The following PALLD variants were observed in gnomAD, a reference collection of about 807,000 sequenced individuals.
PALLD encodes the protein palladin, cytoskeletal associated protein, also known as palladin.
PALLD carries 61 observed loss-of-function variants against 123.5 expected under a neutral mutation model. The observed-to-expected ratio is 0.49, with a 90% CI of 0.40 to 0.61. The LOEUF (loss-of-function observed/expected upper bound fraction) is 0.61, where lower values mean the gene tolerates loss of function less well. Among genes scored for constraint, PALLD ranks in the 20% least tolerant of loss-of-function variants. The pLI, the probability that PALLD is intolerant of heterozygous loss-of-function variation, is 0.00. For synonymous variants in PALLD, 465 were observed against 496.4 expected (o/e 0.94, Z 0.84); for missense variants, 1,273 against 1,377.0 (o/e 0.92, Z 1.20).
At chr4:168,903,682 G>A in intron 14 of PALLD, 75 bp from the exon 15 acceptor site, 3 of 1,221,828 alleles carry the variant, frequency 2.5e-6, no homozygotes, top group East Asian at 2.3e-5. Context: ...AAACCACACT[G>A]TTACTATTTT....
chr4:168,783,331 A>G (rs916868854), intron 10 of PALLD, among the ~76,000 whole-genome samples: 1 of 152,302 alleles, frequency 6.6e-6, no homozygotes, highest in South Asian at 2.1e-4. Flanking sequence ...AAGCAATAAT[A>G]TTGCAAAGCA....
At chr4:168,681,816 G>A (rs1781581708) in intron 4 of PALLD, among the ~76,000 whole-genome samples, 2 of 151,984 alleles carry the variant, frequency 1.3e-5, no homozygotes, top group Admixed American at 1.3e-4. Context: ...CCAAATTGTT[G>A]GGAGGGATTA....
At chr4:168,613,885 A>G (rs147610784) in intron 2 of PALLD, among the ~76,000 whole-genome samples, 1 of 152,334 alleles carries the variant, frequency 6.6e-6, no homozygotes, top group Non-Finnish European at 1.5e-5. Context: ...CATAGATCCT[A>G]CAAAGTCATG....
intron 2 of PALLD, among the ~76,000 whole-genome samples, chr4:168,592,211 A>G (rs943451270): frequency 2.0e-5 from 3 of 151,772 alleles, no homozygotes; most frequent in East Asian, 3.9e-4. Flanking sequence ...GTTTTAGCAG[A>G]TAGGGGGTTT....
intron 10 of PALLD, among the ~76,000 whole-genome samples, chr4:168,785,565 C>T (rs1736595342): frequency 6.6e-6 from 1 of 152,014 alleles, no homozygotes; most frequent in South Asian, 2.1e-4. Context: ...TTCTGGGAAG[C>T]AGTAACTCCT....
At chr4:168,805,725 T>C (rs1362665448) in intron 10 of PALLD, among the ~76,000 whole-genome samples, 1 of 152,148 alleles carries the variant, frequency 6.6e-6, no homozygotes, top group African/African-American at 2.4e-5. Context: ...GCCTTACCTG[T>C]TTTACCTCCT....
chr4:168,607,839 A>C (rs1177759205), intron 2 of PALLD, among the ~76,000 whole-genome samples: 2 of 152,224 alleles, frequency 1.3e-5, no homozygotes, highest in African/African-American at 4.8e-5. Context: ...GAGTATTATT[A>C]GGGTAAGAGA....
chr4:168,510,398 T>C (rs576970727), intron 1 of PALLD, among the ~76,000 whole-genome samples: 3 of 152,196 alleles, frequency 2.0e-5, no homozygotes, highest in Non-Finnish European at 4.4e-5. Flanking sequence ...CCCAGGTTTT[T>C]CTCACTTTCC....
At chr4:168,733,846 T>A (rs1427037122) in intron 10 of PALLD, among the ~76,000 whole-genome samples, 4 of 152,336 alleles carry the variant, frequency 2.6e-5, no homozygotes, top group Admixed American at 2.6e-4. Context: ...GCCATTCTCC[T>A]GCCTCAGCCT....
intron 10 of PALLD, among the ~76,000 whole-genome samples, chr4:168,778,543 G>T (rs893078904): frequency 2.6e-5 from 4 of 152,118 alleles, no homozygotes; most frequent in African/African-American, 9.7e-5. Flanking sequence ...GGCAAAGCTG[G>T]CTTTGGTCAT....
intron 2 of PALLD, among the ~76,000 whole-genome samples, chr4:168,544,184 TGATA>T (rs1340885131): frequency 6.6e-6 from 1 of 152,256 alleles, no homozygotes; most frequent in Non-Finnish European, 1.5e-5. Context: ...TTTCTCTCAC[TGATA>T]TATACTGATT....
At chr4:168,860,378 T>C (rs1245697696) in intron 10 of PALLD, among the ~76,000 whole-genome samples, 1 of 152,162 alleles carries the variant, frequency 6.6e-6, no homozygotes. Context: ...TAAAAAGAAA[T>C]ACATCAGTGT....
intron 10 of PALLD, among the ~76,000 whole-genome samples, chr4:168,774,833 C>T (rs772962508): frequency 1.3e-5 from 2 of 151,626 alleles, no homozygotes; most frequent in African/African-American, 4.8e-5. Context: ...TCCTGGTAAC[C>T]GCTGATCTGT....
intron 11 of PALLD, among the ~76,000 whole-genome samples, chr4:168,892,270 C>T (rs1000961455): frequency 2.0e-5 from 3 of 152,128 alleles, no homozygotes; most frequent in African/African-American, 7.2e-5. Flanking sequence ...AAGGAATTGT[C>T]ACTGGAAAAA....
intron 2 of PALLD, chr4:168,598,308 CATT>C: frequency 2.3e-6 from 1 of 431,354 alleles, no homozygotes; most frequent in Non-Finnish European, 4.6e-6. Context: ...TCCTCCTCAT[CATT>C]GTCTTCTGGG....
Position 168,924,331 on chromosome 4 carries a change from G to C in PALLD, c.3135G>C (p.Arg1045=). Residue 1045 remains arginine (R), a synonymous_variant, in exon 19 of 22, where the codon CGG becomes CGC. Transcript: ENST00000505667. ...GAGTTGCTGATGGGTACCCAGTGCG[G>C]CTGGAATGTCGTGTATTGGGAGTGC... ...NTGVADGYPV[R]LECRVLGVPP... is the part of the protein sequence containing the mutation. The C allele has an allele frequency of 6.2e-7, 1 of 1,613,864 alleles. No homozygotes were observed. Among genetic ancestry groups the C allele is most frequent in the Non-Finnish European group, 8.5e-7 (1 of 1,179,794 alleles).
At chr4:168,735,935 A>G (rs1206595717) in intron 10 of PALLD, among the ~76,000 whole-genome samples, 1 of 152,196 alleles carries the variant, frequency 6.6e-6, no homozygotes, top group Non-Finnish European at 1.5e-5. Flanking sequence ...TCCTATTAAT[A>G]GCTGGGCACT....
At chr4:168,879,562 C>T (rs1464241000) in intron 10 of PALLD, among the ~76,000 whole-genome samples, 8 of 152,158 alleles carry the variant, frequency 5.3e-5, no homozygotes, top group Admixed American at 5.2e-4. Flanking sequence ...AAAAGTGTTC[C>T]ATTGCTAGGA....
intron 17 of PALLD, among the ~76,000 whole-genome samples, chr4:168,918,261 T>C (rs1444167865): frequency 6.6e-6 from 1 of 151,270 alleles, no homozygotes; most frequent in Admixed American, 6.6e-5. Flanking sequence ...GCAGCACTAT[T>C]CATAATAGCC....
Sources: gnomAD v4.1 joint callset for allele counts (sites outside exome capture counted in the v4.1 genomes callset) on GRCh38, gnomAD v4.1.1 for gene constraint, MANE v1.5 for transcripts, NCBI Gene and HGNC (gene_info 2026-07-23, HGNC 2026-07-21) for gene names.